Variants in MAST4 observed in about 807,000 individuals in gnomAD.
MAST4 encodes microtubule-associated serine/threonine-protein kinase 4.
A neutral mutation model predicts 162.7 loss-of-function variants in MAST4; 89 were observed. That is an observed-to-expected ratio of 0.55 (90% CI 0.46 to 0.65). The LOEUF is 0.65. MAST4 is among the 30% of genes least tolerant of loss of function. The pLI is 0.00. For missense variants in MAST4, 3,153 were observed against 3,374.0 expected, an observed-to-expected ratio of 0.93 and a Z score of 1.62; for synonymous variants, 1,479 against 1,361.1, an observed-to-expected ratio of 1.09 and a Z score of -1.91.
chr5:66,597,898 T>TA (rs5868456), intron 1 of MAST4, among the ~76,000 whole-genome samples: 16,299 of 146,862 alleles, frequency 0.11, 1,098 homozygotes, highest in East Asian at 0.27. Context: ...AGACTCAGTT[T>TA]AAAAAAAAAA....
chr5:67,082,415 G>A (rs992496324), intron 5 of MAST4, among the ~76,000 whole-genome samples: 1 of 152,088 alleles, frequency 6.6e-6, no homozygotes, highest in Non-Finnish European at 1.5e-5. Flanking sequence ...TTGCAGGCGT[G>A]AGCCACCGTG....
chr5:66,783,180 A>G (rs1161750885), intron 2 of MAST4, among the ~76,000 whole-genome samples: 1 of 152,206 alleles, frequency 6.6e-6, no homozygotes, highest in Non-Finnish European at 1.5e-5. Flanking sequence ...ATTTCATTGT[A>G]TATGTATGTA....
At chr5:67,162,156 A>G (rs1773254604) in intron 27 of MAST4, among the ~76,000 whole-genome samples, 1 of 152,138 alleles carries the variant, frequency 6.6e-6, no homozygotes, top group Non-Finnish European at 1.5e-5. Context: ...ATAGCCCTTC[A>G]TTGGCCTCTG....
intron 3 of MAST4, among the ~76,000 whole-genome samples, chr5:66,816,723 G>C (rs1031212962): frequency 6.6e-6 from 1 of 152,084 alleles, no homozygotes. Flanking sequence ...GGCTCTCTGG[G>C]CTTGGCATTC....
chr5:66,697,033 A>G (rs1163028451), intron 1 of MAST4, among the ~76,000 whole-genome samples: 1 of 152,240 alleles, frequency 6.6e-6, no homozygotes, highest in Admixed American at 6.5e-5. Flanking sequence ...GGTTGTCTCA[A>G]GGAGAAGCAC....
At chr5:66,694,570 T>G (rs1749272428) in intron 1 of MAST4, among the ~76,000 whole-genome samples, 1 of 152,182 alleles carries the variant, frequency 6.6e-6, no homozygotes. Context: ...CACTGCAACC[T>G]CTACCTCCCA....
Position 67,149,546 on chromosome 5 carries a change from A to T in MAST4, c.3252A>T (p.Thr1084=). 2 of 1,613,836 alleles carry T rather than the reference A, an allele frequency of 1.2e-6. No homozygotes were observed. Among genetic ancestry groups the T allele is most frequent in the South Asian group, 2.2e-5 (2 of 90,990 alleles). ...AAAAGAAAATCTCGGGGAAAGTCAC[A>T]AAGTCCCTCTCTGCCAGTGCTCTTT... ...TEKKKISGKV[T]KSLSASALSL... is the part of the protein sequence containing the mutation. Residue 1084 remains threonine (T), a synonymous_variant, in exon 24 of 29, where the codon ACA becomes ACT. Coordinates refer to ENST00000403625, the MANE Select transcript of MAST4 (RefSeq NM_001164664.2).
At chr5:67,096,119 C>G (rs1218573644) in intron 7 of MAST4, among the ~76,000 whole-genome samples, 1 of 150,582 alleles carries the variant, frequency 6.6e-6, no homozygotes, top group Non-Finnish European at 1.5e-5. Flanking sequence ...AAAAAAAAGG[C>G]AAGTCTTAAT....
rs114738947 is a variant in MAST4, at chr5:66,942,651, G to C, written c.674+42669G>C. ...CAGATCTAAAGCTGTTTGATTATTG[G>C]CATACATGTGTACAAAAAAATGTTT... On this transcript the variant is annotated intron_variant, in intron 4 of 28. Transcript: ENST00000403625. Among the ~76,000 whole-genome samples, 1,023 of 152,162 alleles carry C rather than the reference G, an allele frequency of 6.7e-3. 14 individuals are homozygous for C. Among genetic ancestry groups the C allele is most frequent in the African/African-American group, 0.024 (978 of 41,518 alleles).
At position 67,081,239 on chromosome 5, in the gene MAST4, G is replaced by A. The variant is rs1762620518; in HGVS notation, c.764-8923G>A. ...CTGTGCATATAATTGGGTAAGAGTA[G>A]CAATAGGATTTGGGGTGGGGGAGGT... On this transcript the variant is annotated intron_variant, in intron 5 of 28. Coordinates refer to ENST00000403625, the MANE Select transcript of MAST4 (RefSeq NM_001164664.2). Among the ~76,000 whole-genome samples, 3 of 150,866 alleles carry A rather than the reference G, an allele frequency of 2.0e-5. No homozygotes were observed. In the South Asian group the frequency reaches 6.2e-4, roughly 31 times the overall value.
chr5:66,844,621 G>A (rs1441980816), intron 3 of MAST4, among the ~76,000 whole-genome samples: 1 of 152,094 alleles, frequency 6.6e-6, no homozygotes, highest in Non-Finnish European at 1.5e-5. Context: ...TTGTCTTCCG[G>A]GAGCTTATGG....
intron 5 of MAST4, among the ~76,000 whole-genome samples, chr5:67,077,882 C>A (rs926126291): frequency 5.9e-5 from 9 of 152,090 alleles, no homozygotes; most frequent in Admixed American, 5.2e-4. Context: ...GGTGGATCAC[C>A]TGAGGTCAGG....
rs1025307019 is a variant in MAST4 at position 66,814,530 on chromosome 5, C to T, written c.642+25736C>T. Among the ~76,000 whole-genome samples the T allele has an allele frequency of 2.0e-5, 3 of 152,328 alleles. No individual in the cohort carries two copies. In the East Asian group the frequency reaches 5.8e-4, roughly 29 times the overall value. On this transcript the variant is annotated intron_variant, in intron 3 of 28. Coordinates refer to ENST00000403625, the MANE Select transcript of MAST4 (RefSeq NM_001164664.2). ...TCCGCATTTCTCATTAGATGATCCT[C>T]TGAAATATATTTCTTCTGATCTTCA...
intron 25 of MAST4, 119 bp from the exon 26 acceptor site, chr5:67,153,339 G>A: frequency 9.5e-7 from 1 of 1,050,194 alleles, no homozygotes; most frequent in Non-Finnish European, 1.3e-6. Context: ...GTACCTGTTA[G>A]ATTTTCTATT....
chr5:66,806,628 T>C (rs1367770729), intron 3 of MAST4, among the ~76,000 whole-genome samples: 1 of 152,232 alleles, frequency 6.6e-6, no homozygotes, highest in Admixed American at 6.5e-5. Flanking sequence ...CTGCATTCTT[T>C]ATTGAATATT....
In MAST4 at chr5:66,691,187, A is replaced by G. The variant is rs138182954; in HGVS notation, c.364-68522A>G. Among the ~76,000 whole-genome samples the G allele has an allele frequency of 9.2e-5, 14 of 152,334 alleles. No individual in the cohort carries two copies. In the East Asian group the frequency reaches 1.9e-3, roughly 21 times the overall value. ...GTTTTCTTCTTCCTACAAATTTTAT[A>G]TACTAAAAAATTTTGAAAAAAGACA... On this transcript the variant is annotated intron_variant, in intron 1 of 28. Coordinates refer to ENST00000403625, the MANE Select transcript of MAST4 (RefSeq NM_001164664.2).
intron 15 of MAST4, among the ~76,000 whole-genome samples, chr5:67,130,874 T>A (rs1227197255): frequency 1.3e-5 from 2 of 152,316 alleles, no homozygotes; most frequent in African/African-American, 4.8e-5. Flanking sequence ...TTTTAGCTTT[T>A]TTTTCTTTCT....
At chr5:66,982,205 C>T (rs529750093) in intron 4 of MAST4, among the ~76,000 whole-genome samples, 39 of 152,178 alleles carry the variant, frequency 2.6e-4, no homozygotes, top group Non-Finnish European at 5.4e-4. Flanking sequence ...GTGACATGTT[C>T]TTTTTTCCTT....
At chr5:66,960,149 A>T (rs1745832362) in intron 4 of MAST4, among the ~76,000 whole-genome samples, 1 of 152,242 alleles carries the variant, frequency 6.6e-6, no homozygotes, top group Non-Finnish European at 1.5e-5. Context: ...TGAATTCTGT[A>T]CAGTCCCAAT....
Sources: allele counts gnomAD v4.1 joint callset (sites outside exome capture counted in the v4.1 genomes callset), GRCh38; gene constraint gnomAD v4.1.1; transcripts MANE v1.5; gene names NCBI Gene and HGNC (gene_info 2026-07-23, HGNC 2026-07-21).